The following RAP2C variants were observed in gnomAD, a reference collection of about 807,000 sequenced individuals.
RAP2C encodes the protein ras-related protein Rap-2c.
In RAP2C, 3 loss-of-function variants were observed where a neutral mutation model predicts 8.9. The ratio of observed to expected loss-of-function variants is 0.34; its 90% CI spans 0.15 to 0.87. The LOEUF is 0.87. Ranked by LOEUF, RAP2C falls within the 40% of genes least tolerant of loss-of-function variation. The pLI is 0.51. For missense variants in RAP2C, 76 were observed against 133.7 expected (o/e 0.57, Z 2.13); for synonymous variants, 60 against 52.1 (o/e 1.15, Z -0.65).
In RAP2C at chrX:132,203,550, AG is replaced by A. The variant is rs1930185309; in HGVS notation, c.*2071del. 1 of 101,266 alleles carries A rather than the reference AG, an allele frequency of 9.9e-6. No homozygotes were observed. Among genetic ancestry groups the A allele is most frequent in the Non-Finnish European group, 2.0e-5 (1 of 49,850 alleles). 8.3% of individuals were successfully genotyped at this position (101,266 alleles called of 1,213,427 possible). On this transcript the variant is annotated 3_prime_UTR_variant, in exon 6 of 6. Coordinates refer to ENST00000370874, the MANE Select transcript of RAP2C (RefSeq NM_001271186.2). ...GAGAGAGAGAGAGAGAGAGAGAGAG[AG>A]AGAGAGAGAGAAACAAGAACACAAT...
intron 4 of RAP2C, 140 bp downstream of exon 4, chrX:132,216,856 G>T: frequency 1.9e-6 from 1 of 531,003 alleles, no homozygotes; most frequent in Non-Finnish European, 2.8e-6. Flanking sequence ...GTCTTCCATG[G>T]CAGGAGTAAC....
Position 132,218,348 on chromosome X carries a change from C to T in RAP2C, c.-745-7G>A, listed in dbSNP as rs1292790848. 1 of 108,251 alleles carries T rather than the reference C, an allele frequency of 9.2e-6. No individual in the cohort carries two copies. The highest frequency in any genetic ancestry group is 3.0e-4 in the East Asian group (1 of 3,336). The allele number at this position is 108,251 out of a possible 1,213,427, so 8.9% of individuals were successfully genotyped here. ...GGAACGGGCCTCTGGAAACCTGCGA[C>T]GTCAGTCCTTACCCGCCCGCGGCTG... On this transcript the variant is annotated splice_polypyrimidine_tract_variant and splice_region_variant and intron_variant, in intron 1 of 5. Coordinates refer to ENST00000370874, the MANE Select transcript of RAP2C (RefSeq NM_001271186.2).
chrX:132,210,457 T>C (rs967726278), intron 5 of RAP2C, among the ~76,000 whole-genome samples: 1 of 112,397 alleles, frequency 8.9e-6, no homozygotes, highest in African/African-American at 3.2e-5. Context: ...TAGCCTTTGT[T>C]AGCATCCCAG....
At chrX:132,210,849 C>T (rs1225503719) in intron 5 of RAP2C, among the ~76,000 whole-genome samples, 2 of 111,569 alleles carry the variant, frequency 1.8e-5, no homozygotes, top group Admixed American at 1.9e-4. Context: ...ACCTTTACTG[C>T]ACTTCCCCCT....
chrX:132,210,421 T>C (rs1021993258), intron 5 of RAP2C, among the ~76,000 whole-genome samples: 1 of 112,576 alleles, frequency 8.9e-6, no homozygotes, highest in African/African-American at 3.2e-5. Context: ...ACTAAAATGA[T>C]GTTCAAATAG....
rs996714356 is a variant in RAP2C, at chrX:132,203,144, G to C, written c.*2478C>G. The C allele has an allele frequency of 6.3e-5, 7 of 111,506 alleles. No homozygotes were observed. The highest frequency in any genetic ancestry group is 2.0e-4 in the African/African-American group (6 of 30,632). 9.2% of individuals were successfully genotyped at this position (111,506 alleles called of 1,213,427 possible). ...AATTTTACTTTTACAAATCTTTATA[G>C]GTAATTGTTCAATGTTTGTACTTGT... On this transcript the variant is annotated 3_prime_UTR_variant, in exon 6 of 6. Transcript: ENST00000370874.
At chrX:132,214,682 C>G in intron 4 of RAP2C, 3 of 361,138 alleles carry the variant, frequency 8.3e-6, no homozygotes, top group Non-Finnish European at 1.1e-5. Context: ...GGGTTGCACA[C>G]TAACCTTGAC....
chrX:132,209,793 A>G (rs1219789919), intron 5 of RAP2C, among the ~76,000 whole-genome samples: 3 of 111,840 alleles, frequency 2.7e-5, no homozygotes, highest in Non-Finnish European at 5.6e-5. Flanking sequence ...ACAGATATAC[A>G]AAGAGTCATT....
At chrX:132,210,891 A>G (rs1426837207) in intron 5 of RAP2C, among the ~76,000 whole-genome samples, 1 of 111,418 alleles carries the variant, frequency 9.0e-6, no homozygotes, top group Admixed American at 9.6e-5. Context: ...ATATTTTAGG[A>G]TATGATTATG....
At chrX:132,216,941 C>T in intron 4 of RAP2C, 55 bp downstream of exon 4, 1 of 1,071,695 alleles carries the variant, frequency 9.3e-7, no homozygotes, top group South Asian at 2.6e-5. Context: ...ACCCAGAAGT[C>T]GATGTCGGAT....
At position 132,215,021 on chromosome X, in the gene RAP2C, A is replaced by G. The variant is rs753635423; in HGVS notation, c.274-575T>C. Among the ~76,000 whole-genome samples the G allele has an allele frequency of 2.3e-3, 257 of 111,795 alleles. 3 individuals are homozygous for G. The highest frequency in any genetic ancestry group is 8.1e-3 in the African/African-American group (249 of 30,826). ...TGCATTTATTCCAGTAAAATCAAAC[A>G]CCTTACAATACACTTAAATTCACTA... On this transcript the variant is annotated intron_variant, in intron 4 of 5. Transcript: ENST00000370874.
intron 5 of RAP2C, among the ~76,000 whole-genome samples, chrX:132,212,045 G>GA (rs1392699554): frequency 1.2e-3 from 123 of 99,416 alleles, no homozygotes; most frequent in South Asian, 6.1e-3. Flanking sequence ...TTTGATGTCA[G>GA]AAAAAAAAAA....
chrX:132,211,996 G>T (rs1285171136), intron 5 of RAP2C, among the ~76,000 whole-genome samples: 1 of 108,672 alleles, frequency 9.2e-6, no homozygotes, highest in African/African-American at 3.3e-5. Context: ...ACTAGCCTCA[G>T]ATTAGAGATT....
chrX:132,206,813 G>T (rs958070602), intron 5 of RAP2C, among the ~76,000 whole-genome samples: 6 of 112,046 alleles, frequency 5.4e-5, no homozygotes, highest in African/African-American at 1.6e-4. Context: ...TAGAACAAAA[G>T]TCTGCCTCTT....
intron 5 of RAP2C, among the ~76,000 whole-genome samples, chrX:132,208,829 TTTTTTA>T (rs1474076514): frequency 9.2e-6 from 1 of 109,000 alleles, no homozygotes; most frequent in Non-Finnish European, 1.9e-5. Context: ...CCCAGCTAAG[TTTTTTA>T]TTTTTATTTT....
At chrX:132,218,377 C>G (rs896953836) in intron 1 of RAP2C, 36 bp from the exon 2 acceptor site, 10 of 108,039 alleles carry the variant, frequency 9.3e-5, no homozygotes, top group East Asian at 9.1e-4. Context: ...GCGGCTGCCG[C>G]GGACCGTCCC....
Position 132,217,051 on chromosome X carries a change from T to C in RAP2C, c.218A>G (p.Lys73Arg), listed in dbSNP as rs752999479. 11 of 1,182,438 alleles carry C rather than the reference T, an allele frequency of 9.3e-6. No individual in the cohort carries two copies. Among genetic ancestry groups the C allele is most frequent in the Non-Finnish European group, 9.1e-6 (8 of 881,049 alleles). The change falls in exon 4 of 6, where the codon AAA becomes AGA. Residue 73 changes from lysine to arginine, a missense_variant. Physicochemically the swap from Lys to Arg is conservative, Grantham distance 26. Coordinates refer to ENST00000370874, the MANE Select transcript of RAP2C (RefSeq NM_001271186.2). ...AACCAGGATGAAACCTTGGCCGTTT[T>C]TGATGTAGAGATCTCTCATGGAGGC... ...QFASMRDLYI[K>R]NGQGFILVYS...
intron 4 of RAP2C, among the ~76,000 whole-genome samples, chrX:132,215,164 C>T (rs751892280): frequency 1.5e-4 from 16 of 108,454 alleles, no homozygotes; most frequent in Non-Finnish European, 2.5e-4. Flanking sequence ...TTTCCCCATG[C>T]GTATTACTTT....
intron 4 of RAP2C, chrX:132,214,669 C>A (rs1930522868): frequency 2.1e-6 from 1 of 472,149 alleles, no homozygotes; most frequent in South Asian, 1.1e-4. Context: ...GAATATAAAA[C>A]ATGGGTTGCA....
Sources: gnomAD v4.1 joint callset for allele counts (sites outside exome capture counted in the v4.1 genomes callset) on GRCh38, gnomAD v4.1.1 for gene constraint, MANE v1.5 for transcripts, NCBI Gene and HGNC (gene_info 2026-07-23, HGNC 2026-07-21) for gene names.